Variants in GPAM observed in about 807,000 individuals in gnomAD.
GPAM encodes the protein glycerol-3-phosphate acyltransferase, mitochondrial.
A neutral mutation model predicts 105.0 loss-of-function variants in GPAM; 56 were observed. That is an observed-to-expected ratio of 0.53 (90% confidence interval 0.43 to 0.67). The LOEUF (loss-of-function observed/expected upper bound fraction) is 0.67. Ranked by LOEUF, GPAM falls within the 30% of genes least tolerant of loss-of-function variation. The probability of loss-of-function intolerance (pLI) is 0.00; values close to 1 mark genes in which losing one functional copy is unlikely to be tolerated. For synonymous variants in GPAM, 368 were observed against 354.4 expected (o/e 1.04, Z -0.43); for missense variants, 855 against 989.8 (o/e 0.86, Z 1.83).
At chr10:112,204,201 A>G (rs1211287607) in intron 1 of GPAM, among the ~76,000 whole-genome samples, 1 of 151,658 alleles carries the variant, frequency 6.6e-6, no homozygotes. Flanking sequence ...AAGCACACAG[A>G]TAGAACAATG....
intron 1 of GPAM, among the ~76,000 whole-genome samples, chr10:112,202,653 A>G (rs1847811147): frequency 6.6e-6 from 1 of 152,180 alleles, no homozygotes; most frequent in East Asian, 1.9e-4. Flanking sequence ...CTGACACCAT[A>G]AAATACCTAC....
chr10:112,198,475 G>T (rs922280423), intron 1 of GPAM, among the ~76,000 whole-genome samples: 1 of 152,082 alleles, frequency 6.6e-6, no homozygotes, highest in African/African-American at 2.4e-5. Context: ...GAAACTCCAG[G>T]CTCTTTCCCA....
In GPAM at chr10:112,175,677, A is replaced by C. The variant is rs1847389686; in HGVS notation, c.336T>G (p.Val112=). 1 of 1,613,304 alleles carries C rather than the reference A, an allele frequency of 6.2e-7. No individual in the cohort carries two copies. The highest frequency in any genetic ancestry group is 1.3e-5 in the African/African-American group (1 of 74,888). ...GCACATCTCGCTCTTGAATAAAAAG[A>C]ACGTAAGAAAGGCGTCTTGCAAGCC... ...RGWLARRLSY[V]LFIQERDVHK... The change falls in exon 6 of 22, where the codon GTT becomes GTG. Residue 112 remains valine (V), a synonymous_variant. Transcript: ENST00000348367.
intron 21 of GPAM, 40 bp downstream of exon 21, chr10:112,154,589 A>G (rs745802183): frequency 8.0e-6 from 11 of 1,369,630 alleles, no homozygotes; most frequent in Middle Eastern, 3.6e-4. Context: ...AGAGAACAGA[A>G]GTTGAGATAG....
At position 112,153,518 on chromosome 10, in the gene GPAM, G is replaced by C. The variant is rs1391686000; in HGVS notation, c.*32C>G. 4.3e-6 allele frequency: 7 copies of C among 1,613,114 alleles called. No homozygotes were observed. Among genetic ancestry groups the C allele is most frequent in the Non-Finnish European group, 5.9e-6 (7 of 1,179,422 alleles). The stretch of plus-strand genomic sequence containing the variant: ...GGTACCTACAAGGAACTCATCTCAT[G>C]ACCTTCATTTGCCAGCAGTGCCACA... On this transcript the variant is annotated 3_prime_UTR_variant, in exon 22 of 22. Transcript: ENST00000348367.
In GPAM at chr10:112,152,308, T is replaced by C; in HGVS notation, c.*1242A>G. On this transcript the variant is annotated 3_prime_UTR_variant, in exon 22 of 22. Coordinates refer to ENST00000348367, the MANE Select transcript of GPAM (RefSeq NM_001244949.2). ...ATAAACCAATAATTATGCTCCCTGC[T>C]CACAAAAGGCACCTACCAATTATGA... 1 of 984,678 alleles carries C rather than the reference T, an allele frequency of 1.0e-6. No individual in the cohort carries two copies. Among genetic ancestry groups the C allele is most frequent in the Non-Finnish European group, 1.2e-6 (1 of 829,236 alleles). The allele number at this position is 984,678 out of a possible 1,614,324, so 61.0% of individuals were successfully genotyped here.
chr10:112,176,146 TTTTTG>T (rs1265432029), intron 5 of GPAM, among the ~76,000 whole-genome samples: 1 of 152,238 alleles, frequency 6.6e-6, no homozygotes, highest in African/African-American at 2.4e-5. Flanking sequence ...AGACTAATTT[TTTTTG>T]TTAAGTTTTT....
chr10:112,192,545 C>T (rs1847673593), intron 1 of GPAM, among the ~76,000 whole-genome samples: 1 of 152,084 alleles, frequency 6.6e-6, no homozygotes, highest in Non-Finnish European at 1.5e-5. Flanking sequence ...GACAGGAGCC[C>T]AGAGCAGACC....
chr10:112,160,092 A>G (rs745414990), intron 16 of GPAM, 39 bp from the exon 17 acceptor site: 5 of 1,607,816 alleles, frequency 3.1e-6, no homozygotes, highest in Non-Finnish European at 4.3e-6. Context: ...GCCAGCTCAA[A>G]GTCTCCAAGA....
At chr10:112,199,610 T>C (rs1589607491) in intron 1 of GPAM, among the ~76,000 whole-genome samples, 1 of 152,224 alleles carries the variant, frequency 6.6e-6, no homozygotes, top group East Asian at 1.9e-4. Context: ...CATTCCACAA[T>C]GTACATGTGT....
chr10:112,177,619 A>G (rs1847430706), intron 5 of GPAM, among the ~76,000 whole-genome samples: 2 of 152,232 alleles, frequency 1.3e-5, no homozygotes, highest in African/African-American at 4.8e-5. Flanking sequence ...AGATTTCAAT[A>G]ATTTATACTT....
At chr10:112,180,836 T>G (rs1847495733) in intron 3 of GPAM, among the ~76,000 whole-genome samples, 1 of 152,156 alleles carries the variant, frequency 6.6e-6, no homozygotes, top group East Asian at 1.9e-4. Flanking sequence ...ATTTAAAAAC[T>G]AAATTGTAGA....
chr10:112,160,530 CA>C, intron 16 of GPAM, 73 bp downstream of exon 16: 1 of 1,424,330 alleles, frequency 7.0e-7, no homozygotes, highest in Non-Finnish European at 9.9e-7. Context: ...CAAATTAAAG[CA>C]GATACCACTA....
chr10:112,225,608 C>A, the GPAM span, among the ~76,000 whole-genome samples: 7 of 152,152 alleles, frequency 4.6e-5, no homozygotes, highest in Non-Finnish European at 1.0e-4. Context: ...CTGTGATCTG[C>A]TACACAGCAG....
chr10:112,169,556 T>C (rs1186277492), intron 9 of GPAM, among the ~76,000 whole-genome samples: 1 of 152,238 alleles, frequency 6.6e-6, no homozygotes, highest in African/African-American at 2.4e-5. Flanking sequence ...TGTCTCTTTC[T>C]ACAACACTAA....
At chr10:112,214,752 G>A (rs1267615347) in intron 1 of GPAM, among the ~76,000 whole-genome samples, 9 of 152,312 alleles carry the variant, frequency 5.9e-5, no homozygotes, top group South Asian at 2.1e-4. Context: ...GCCATGTGCC[G>A]TTTGCAAATC....
Position 112,153,867 on chromosome 10 carries a change from CTA to C in GPAM, c.2371-203_2371-202del, listed in dbSNP as rs1406945061. 705 of 434,574 alleles carry C rather than the reference CTA, an allele frequency of 1.6e-3. 3 individuals are homozygous for C. The African/African-American group carries it at 0.03, about 18-fold the overall frequency. 26.9% of individuals were successfully genotyped at this position (434,574 alleles called of 1,614,324 possible). A position where few individuals can be genotyped will look rare whatever the true frequency, so the allele number is the denominator to read the frequency against. ...CCAATGCAAACAAGGTTTTCTTTTT[CTA>C]TTTTTTTTTTTTTGTTTTGATGGAG... On this transcript the variant is annotated intron_variant, in intron 21 of 21. Coordinates refer to ENST00000348367, the MANE Select transcript of GPAM (RefSeq NM_001244949.2).
intron 1 of GPAM, among the ~76,000 whole-genome samples, chr10:112,210,276 T>G (rs953977720): frequency 6.6e-6 from 1 of 152,216 alleles, no homozygotes; most frequent in African/African-American, 2.4e-5. Context: ...ATGTTCTTGA[T>G]CTAGAGTTTT....
In GPAM at chr10:112,163,725, T is replaced by C; in HGVS notation, c.1399A>G (p.Asn467Asp). The C allele has an allele frequency of 1.3e-6, 2 of 1,561,784 alleles. No individual in the cohort carries two copies. The highest frequency in any genetic ancestry group is 1.8e-6 in the Non-Finnish European group (2 of 1,132,244). Reference sequence around the variant, plus strand: ...CTGAATAGAATATGCTCAGCCAGATTTGCAATCAACCTCCTTCGTAGGGAT... The same window carrying C: ...CTGAATAGAATATGCTCAGCCAGATCTGCAATCAACCTCCTTCGTAGGGAT... Reference protein sequence around the residue: ...DESLRRRLIANLAEHILFTAS... With the variant: ...DESLRRRLIADLAEHILFTAS... Residue 467 changes from asparagine (N) to aspartate (D), a missense_variant, in exon 14 of 22, where the codon AAT (asparagine) becomes GAT (aspartate). Transcript: ENST00000348367.
Sources: gnomAD v4.1 joint callset for allele counts (sites outside exome capture counted in the v4.1 genomes callset) on GRCh38, gnomAD v4.1.1 for gene constraint, MANE v1.5 for transcripts, NCBI Gene and HGNC (gene_info 2026-07-23, HGNC 2026-07-21) for gene names.